The following GRM7 variants were observed in gnomAD, a reference collection of about 807,000 sequenced individuals.
GRM7 encodes glutamate metabotropic receptor 7.
Under a neutral mutation model 84.5 loss-of-function variants are expected in GRM7, and 35 were observed. That is an observed-to-expected ratio of 0.41 (90% CI 0.32 to 0.55). GRM7 has a LOEUF of 0.55. Among genes scored for constraint, GRM7 ranks in the 20% least tolerant of loss-of-function variants. GRM7 has a pLI of 0.19. For synonymous variants in GRM7, 487 were observed against 455.1 expected (o/e 1.07, Z -0.89); for missense variants, 1,003 against 1,194.6 (o/e 0.84, Z 2.36).
chr3:7,560,583 A>G (rs1693972502), intron 7 of GRM7, among the ~76,000 whole-genome samples: 1 of 152,090 alleles, frequency 6.6e-6, no homozygotes, highest in Non-Finnish European at 1.5e-5. Flanking sequence ...CTCCAGGCCA[A>G]CTGAATTCAA....
intron 7 of GRM7, among the ~76,000 whole-genome samples, chr3:7,478,295 T>G (rs1197209439): frequency 6.6e-6 from 1 of 152,168 alleles, no homozygotes; most frequent in East Asian, 1.9e-4. Flanking sequence ...TAGGTGGAAA[T>G]CTTTCCCACT....
intron 1 of GRM7, among the ~76,000 whole-genome samples, chr3:6,976,149 CT>C (rs1445594990): frequency 6.6e-6 from 1 of 152,160 alleles, no homozygotes; most frequent in Non-Finnish European, 1.5e-5. Context: ...AGCTCTGCCC[CT>C]ATAGCCGTAG....
rs533384868 is a variant in GRM7 at position 7,548,855 on chromosome 3, T to A, written c.1516-29567T>A. Among the ~76,000 whole-genome samples, 9 of 152,338 alleles carry A rather than the reference T, an allele frequency of 5.9e-5. No homozygotes were observed. In the East Asian group the frequency reaches 1.7e-3, roughly 29 times the overall value. The stretch of plus-strand genomic sequence containing the variant: ...TCTGCATTTTGTGGTGGAACTAATA[T>A]TTGAAGCTTTTCAAAGTGAATGCAA... On this transcript the variant is annotated intron_variant, in intron 7 of 9. Coordinates refer to ENST00000357716, the MANE Select transcript of GRM7 (RefSeq NM_000844.4).
intron 1 of GRM7, among the ~76,000 whole-genome samples, chr3:6,991,978 G>GA (rs796626275): frequency 0.018 from 2,467 of 140,702 alleles, 55 homozygotes; most frequent in African/African-American, 0.055. Context: ...GTTCAAAAAG[G>GA]AAAAAAAAAA....
chr3:7,386,148 T>A (rs34566334), intron 4 of GRM7, among the ~76,000 whole-genome samples: 13,345 of 152,268 alleles, frequency 0.088, 693 homozygotes, highest in African/African-American at 0.14. Context: ...GTAAAGGGGA[T>A]AGCTCTTGTG....
At chr3:7,695,591 A>G (rs1235690091) in intron 9 of GRM7, among the ~76,000 whole-genome samples, 2 of 152,192 alleles carry the variant, frequency 1.3e-5, no homozygotes, top group African/African-American at 4.8e-5. Flanking sequence ...GAAGCAGTCT[A>G]GTGCCCAGGT....
intron 1 of GRM7, among the ~76,000 whole-genome samples, chr3:6,968,098 T>C (rs998724441): frequency 6.6e-6 from 1 of 152,208 alleles, no homozygotes; most frequent in Non-Finnish European, 1.5e-5. Flanking sequence ...TCTACAAATA[T>C]CTGGAGGCCA....
At chr3:7,161,414 A>G (rs1694620005) in intron 2 of GRM7, among the ~76,000 whole-genome samples, 1 of 121,138 alleles carries the variant, frequency 8.3e-6, no homozygotes, top group African/African-American at 4.1e-5. Flanking sequence ...TTTTCTTTGT[A>G]ATGACCTGAA....
chr3:7,189,104 G>C (rs961574304), intron 2 of GRM7, among the ~76,000 whole-genome samples: 5 of 152,124 alleles, frequency 3.3e-5, no homozygotes, highest in African/African-American at 7.2e-5. Flanking sequence ...GGAGCTGATT[G>C]CTTCCCATAG....
chr3:7,327,694 A>T (rs1446029768), intron 4 of GRM7, among the ~76,000 whole-genome samples: 1 of 152,188 alleles, frequency 6.6e-6, no homozygotes, highest in Non-Finnish European at 1.5e-5. Context: ...TTAATCTCTA[A>T]TGAAGCTTAT....
chr3:7,080,125 CT>C (rs1698229941), intron 1 of GRM7, among the ~76,000 whole-genome samples: 2 of 152,168 alleles, frequency 1.3e-5, no homozygotes, highest in Non-Finnish European at 2.9e-5. Flanking sequence ...CTCCTTCCCA[CT>C]CACTCCACAA....
At chr3:7,017,505 A>C (rs1040147927) in intron 1 of GRM7, among the ~76,000 whole-genome samples, 1 of 152,240 alleles carries the variant, frequency 6.6e-6, no homozygotes, top group Non-Finnish European at 1.5e-5. Flanking sequence ...GGTAAAGTTT[A>C]TAGTCTTAGA....
At chr3:7,121,615 T>C (rs1693224299) in intron 1 of GRM7, among the ~76,000 whole-genome samples, 1 of 152,160 alleles carries the variant, frequency 6.6e-6, no homozygotes, top group South Asian at 2.1e-4. Flanking sequence ...TCCCTCTTGG[T>C]CTAATTGAAA....
intron 1 of GRM7, among the ~76,000 whole-genome samples, chr3:7,002,554 A>G (rs762050779): frequency 1.2e-4 from 18 of 152,190 alleles, no homozygotes; most frequent in Non-Finnish European, 2.4e-4. Context: ...CACTGGGGAT[A>G]TGGACATATG....
chr3:7,693,716 T>C, intron 9 of GRM7: 1 of 1,428,056 alleles, frequency 7.0e-7, no homozygotes, highest in Non-Finnish European at 9.5e-7. Context: ...CTTCTAAGTG[T>C]CCTAAGGAAG....
rs186215691 is a variant in GRM7 at position 7,188,078 on chromosome 3, G to T, written c.736+41410G>T. 5.8e-3 allele frequency among the ~76,000 whole-genome samples: 876 copies of T among 152,200 alleles called. 6 individuals carry two copies. The highest frequency in any genetic ancestry group is 7.9e-3 in the Non-Finnish European group (537 of 68,014). ...CTGGTGAGTTTAATAGAGGAGGAAT[G>T]ATGTGGGGTGGGTATTGGCTATTAT... On this transcript the variant is annotated intron_variant, in intron 2 of 9. Transcript: ENST00000357716. The surrounding 1 kb of genome is among the most constrained non-coding windows in gnomAD (Gnocchi z 4.2).
intron 1 of GRM7, among the ~76,000 whole-genome samples, chr3:7,041,413 G>T (rs1271177639): frequency 6.6e-6 from 1 of 152,088 alleles, no homozygotes; most frequent in Non-Finnish European, 1.5e-5. Flanking sequence ...AAATAATTTT[G>T]GTTCTTTGCT....
intron 1 of GRM7, among the ~76,000 whole-genome samples, chr3:7,105,107 A>T (rs1032611944): frequency 4.0e-5 from 6 of 151,818 alleles, no homozygotes; most frequent in African/African-American, 1.4e-4. Context: ...TTAGGCCTAT[A>T]TCTGAAATAT....
At chr3:7,479,859 A>T (rs986164014) in intron 7 of GRM7, among the ~76,000 whole-genome samples, 5 of 152,096 alleles carry the variant, frequency 3.3e-5, no homozygotes, top group African/African-American at 1.2e-4. Flanking sequence ...CTGTAACAGA[A>T]AAAAAAGGCT....
Sources: allele counts gnomAD v4.1 joint callset (sites outside exome capture counted in the v4.1 genomes callset), GRCh38; gene constraint gnomAD v4.1.1; non-coding constraint Gnocchi (gnomAD v3.1); transcripts MANE v1.5; gene names NCBI Gene and HGNC (gene_info 2026-07-23, HGNC 2026-07-21).